Variants in MAML3 observed in about 807,000 individuals in gnomAD.
The protein encoded by MAML3 is mastermind-like protein 3.
Under a neutral mutation model 101.9 loss-of-function variants are expected in MAML3, and 27 were observed. That is an observed-to-expected ratio of 0.27 (90% CI 0.20 to 0.37). The LOEUF is 0.37. MAML3 is among the 10% of genes least tolerant of loss of function. MAML3 has a pLI of 1.00. For missense variants in MAML3, 1,316 were observed against 1,444.9 expected, an observed-to-expected ratio of 0.91 and a Z score of 1.45; for synonymous variants, 501 against 555.9, an observed-to-expected ratio of 0.90 and a Z score of 1.39.
At chr4:139,878,392 A>G (rs1732152894) in intron 2 of MAML3, among the ~76,000 whole-genome samples, 1 of 152,150 alleles carries the variant, frequency 6.6e-6, no homozygotes, top group Admixed American at 6.5e-5. Context: ...CTCCCTGACC[A>G]GACTGCACAT....
At chr4:140,109,170 A>G (rs1255606330) in intron 1 of MAML3, among the ~76,000 whole-genome samples, 5 of 152,162 alleles carry the variant, frequency 3.3e-5, no homozygotes. Context: ...GAGAGAAGAA[A>G]AAAAGAGGAA....
chr4:139,899,943 C>T (rs899526446), intron 1 of MAML3, among the ~76,000 whole-genome samples: 32 of 152,270 alleles, frequency 2.1e-4, no homozygotes, highest in Middle Eastern at 3.4e-3. Flanking sequence ...AGTTAAAAAT[C>T]TCCATTCTGA....
At chr4:140,149,368 G>C (rs1729117805) in intron 1 of MAML3, among the ~76,000 whole-genome samples, 1 of 152,152 alleles carries the variant, frequency 6.6e-6, no homozygotes, top group Non-Finnish European at 1.5e-5. Flanking sequence ...GACTCACACA[G>C]AACCCAGCCC....
intron 1 of MAML3, among the ~76,000 whole-genome samples, chr4:139,919,891 G>C (rs1733092219): frequency 6.6e-6 from 1 of 152,068 alleles, no homozygotes; most frequent in African/African-American, 2.4e-5. Context: ...TATGACTCTT[G>C]CTTGATTTAT....
chr4:139,717,044 T>C lies in MAML3; in HGVS notation c.*2279A>G, dbSNP rs1044091864. 1 of 152,438 alleles carries C rather than the reference T, an allele frequency of 6.6e-6. No individual in the cohort carries two copies. The highest frequency in any genetic ancestry group is 1.5e-5 in the Non-Finnish European group (1 of 68,008). The allele number at this position is 152,438 out of a possible 1,614,324, so 9.4% of individuals were successfully genotyped here. ...CTCTATTTTAAACAAACAGTATATATATATTTATATGTATATTTTTTACAG... is the reference window on the plus strand; with the variant it reads ...CTCTATTTTAAACAAACAGTATATACATATTTATATGTATATTTTTTACAG... On this transcript the variant is annotated 3_prime_UTR_variant, in exon 5 of 5. Transcript: ENST00000509479.
At chr4:139,882,768 G>A (rs778796411) in intron 2 of MAML3, among the ~76,000 whole-genome samples, 1 of 152,198 alleles carries the variant, frequency 6.6e-6, no homozygotes, top group Non-Finnish European at 1.5e-5. Context: ...AGAATCACTT[G>A]AATCTGGGAG....
chr4:140,117,649 G>GTATA (rs57634970), intron 1 of MAML3, among the ~76,000 whole-genome samples: 32,246 of 148,412 alleles, frequency 0.22, 4,228 homozygotes, highest in East Asian at 0.36. Context: ...GTGTATACAG[G>GTATA]TATATATATA....
At chr4:139,906,506 C>T (rs1048212892) in intron 1 of MAML3, among the ~76,000 whole-genome samples, 1 of 152,094 alleles carries the variant, frequency 6.6e-6, no homozygotes, top group African/African-American at 2.4e-5. Flanking sequence ...GTGGGAAAAT[C>T]GAGGCATAGA....
Position 139,889,764 on chromosome 4 carries a change from C to T in MAML3, c.1672G>A (p.Ala558Thr). ...ATTGTTGTCTTCTGCAGGTTGTTTGCCATTGGAGGCACTATAGGGTTTTGG... is the reference window on the plus strand; with the variant it reads ...ATTGTTGTCTTCTGCAGGTTGTTTGTCATTGGAGGCACTATAGGGTTTTGG... Reference protein sequence around the residue: ...NNQNPIVPPMANNLQKTTMNN... With the variant: ...NNQNPIVPPMTNNLQKTTMNN... The change falls in exon 2 of 5, where the codon GCA becomes ACA. Residue 558 changes from alanine (A) to threonine (T), a missense_variant. By Grantham distance (58) the Ala-to-Thr change is moderately conservative. Transcript: ENST00000509479. 1.2e-6 allele frequency: 2 copies of T among 1,613,936 alleles called. No homozygotes were observed. Among genetic ancestry groups the T allele is most frequent in the Non-Finnish European group, 1.7e-6 (2 of 1,179,884 alleles).
intron 1 of MAML3, among the ~76,000 whole-genome samples, chr4:140,077,738 G>A (rs2110963695): frequency 6.6e-6 from 1 of 152,146 alleles, no homozygotes; most frequent in South Asian, 2.1e-4. Flanking sequence ...TAAAGAGAGG[G>A]GCCGGGTATG....
At chr4:140,142,818 A>C (rs1418548270) in intron 1 of MAML3, among the ~76,000 whole-genome samples, 1 of 152,112 alleles carries the variant, frequency 6.6e-6, no homozygotes, top group African/African-American at 2.4e-5. Flanking sequence ...CTTCTTTCTA[A>C]ATGTTCTCCT....
At chr4:140,000,110 T>A (rs192353254) in intron 1 of MAML3, among the ~76,000 whole-genome samples, 1 of 152,312 alleles carries the variant, frequency 6.6e-6, no homozygotes, top group Admixed American at 6.5e-5. Context: ...CACAATGGGT[T>A]TTTCAGTTAA....
chr4:139,816,433 G>A (rs551416170), intron 2 of MAML3, among the ~76,000 whole-genome samples: 3 of 152,312 alleles, frequency 2.0e-5, no homozygotes, highest in African/African-American at 4.8e-5. Context: ...TGCAGATCGT[G>A]AGCTTAGAGG....
intron 1 of MAML3, among the ~76,000 whole-genome samples, chr4:140,145,525 G>A (rs1175066115): frequency 6.6e-6 from 1 of 151,984 alleles, no homozygotes; most frequent in African/African-American, 2.4e-5. Context: ...TTATGTCAGA[G>A]GAAGTACTGC....
intron 1 of MAML3, among the ~76,000 whole-genome samples, chr4:140,088,784 C>T (rs1727998540): frequency 6.6e-6 from 1 of 152,054 alleles, no homozygotes; most frequent in Non-Finnish European, 1.5e-5. Flanking sequence ...TCTAAGAGTA[C>T]TCAAAAGAAC....
At chr4:140,010,854 G>T (rs908327078) in intron 1 of MAML3, among the ~76,000 whole-genome samples, 1 of 152,060 alleles carries the variant, frequency 6.6e-6, no homozygotes, top group Non-Finnish European at 1.5e-5. Flanking sequence ...TGTAATCCCA[G>T]CACCTTGGGA....
chr4:139,968,432 C>A (rs1467943575), intron 1 of MAML3, among the ~76,000 whole-genome samples: 1 of 152,076 alleles, frequency 6.6e-6, no homozygotes, highest in East Asian at 1.9e-4. Flanking sequence ...ACCCCCATTA[C>A]CTGGCTGCTT....
At chr4:139,742,120 C>T (rs563471732) in intron 2 of MAML3, among the ~76,000 whole-genome samples, 13 of 150,728 alleles carry the variant, frequency 8.6e-5, no homozygotes. Flanking sequence ...ATCATCCTCT[C>T]TACAGATCTT....
At chr4:140,116,790 G>GA (rs1728525441) in intron 1 of MAML3, among the ~76,000 whole-genome samples, 1 of 152,242 alleles carries the variant, frequency 6.6e-6, no homozygotes, top group South Asian at 2.1e-4. Flanking sequence ...ACCTTGTAAA[G>GA]ATGTGACTAG....
Sources: allele counts gnomAD v4.1 joint callset (sites outside exome capture counted in the v4.1 genomes callset), GRCh38; gene constraint gnomAD v4.1.1; transcripts MANE v1.5; gene names NCBI Gene and HGNC (gene_info 2026-07-23, HGNC 2026-07-21).